DIP2A: variants seen among roughly 807,000 people sequenced by gnomAD.
DIP2A encodes disco-interacting protein 2 homolog A.
A neutral mutation model predicts 177.4 loss-of-function variants in DIP2A; 85 were observed. The ratio of observed to expected loss-of-function variants is 0.48; its 90% CI spans 0.40 to 0.57. DIP2A has a LOEUF of 0.57. DIP2A is among the 20% of genes least tolerant of loss of function. The pLI, the probability that DIP2A is intolerant of heterozygous loss-of-function variation, is 0.00. For synonymous variants in DIP2A, 886 were observed against 881.8 expected (o/e 1.00, Z -0.08); for missense variants, 1,791 against 2,100.2 (o/e 0.85, Z 2.88).
At chr21:46,583,751 T>C in the DIP2A span, among the ~76,000 whole-genome samples, 1 of 152,202 alleles carries the variant, frequency 6.6e-6, no homozygotes, top group Non-Finnish European at 1.5e-5. Context: ...TGCTCTCTCT[T>C]GCCTTTCCAC....
chr21:46,534,561 G>T, intron 12 of DIP2A, 24 bp from the exon 13 acceptor site: 4 of 1,606,326 alleles, frequency 2.5e-6, no homozygotes, highest in Non-Finnish European at 3.4e-6. Flanking sequence ...ACCACATCAT[G>T]TTTTTTTCCT....
intron 22 of DIP2A, 153 bp downstream of exon 22, chr21:46,550,038 A>G: frequency 6.8e-7 from 1 of 1,462,370 alleles, no homozygotes; most frequent in South Asian, 1.4e-5. Flanking sequence ...GACAAATTAC[A>G]GCTGTATGTA....
At chr21:46,542,777 G>C (rs11701286) in intron 18 of DIP2A, among the ~76,000 whole-genome samples, 125,975 of 152,244 alleles carry the variant, frequency 0.83, 52,341 homozygotes, top group African/African-American at 0.89. Context: ...GACCCCATCT[G>C]TCAGTGCAGT....
At chr21:46,470,936 A>C (rs1344735016) in intron 1 of DIP2A, among the ~76,000 whole-genome samples, 2 of 151,990 alleles carry the variant, frequency 1.3e-5, no homozygotes, top group African/African-American at 4.8e-5. Context: ...TCAGAAAAAA[A>C]AAAAAAAAAA....
intron 6 of DIP2A, among the ~76,000 whole-genome samples, chr21:46,507,517 C>A (rs2058073201): frequency 6.6e-6 from 1 of 151,916 alleles, no homozygotes; most frequent in Non-Finnish European, 1.5e-5. Flanking sequence ...AATCGGTAGA[C>A]CATGTTGGAG....
chr21:46,491,939 T>G (rs2148483673), intron 3 of DIP2A, among the ~76,000 whole-genome samples: 1 of 152,366 alleles, frequency 6.6e-6, no homozygotes, highest in South Asian at 2.1e-4. Flanking sequence ...TGTCTTTGTG[T>G]TTCTTTAAAG....
chr21:46,517,463 C>T (rs1283081498), intron 8 of DIP2A, among the ~76,000 whole-genome samples: 2 of 152,274 alleles, frequency 1.3e-5, no homozygotes, highest in East Asian at 3.9e-4. Context: ...ACCTCTTTCC[C>T]CTCCAAGTAG....
downstream of DIP2A, among the ~76,000 whole-genome samples, chr21:46,572,147 T>A (rs1293068022): frequency 6.6e-6 from 1 of 152,194 alleles, no homozygotes; most frequent in Non-Finnish European, 1.5e-5. Context: ...AAAAAATTTT[T>A]AGAGAAAAAA....
In DIP2A at chr21:46,498,626, G is replaced by A. The variant is rs747828730; in HGVS notation, c.448G>A (p.Gly150Arg). Residue 150 changes from glycine (G) to arginine (R), a missense_variant, in exon 5 of 38, where the codon GGG becomes AGG. Coordinates refer to ENST00000417564, the MANE Select transcript of DIP2A (RefSeq NM_015151.4). This position sits in a 1 kb window ranked among gnomAD's most constrained non-coding sequence, Gnocchi z 4.3. ...AGATGAGGGCTCTTTACGGCGACCC[G>A]GGCGACTCACCTCCACTCCGCTCCA... ...SEDEGSLRRP[G>R]RLTSTPLQSH... The A allele has an allele frequency of 1.2e-5, 20 of 1,612,814 alleles. No individual in the cohort carries two copies. Among genetic ancestry groups the A allele is most frequent in the East Asian group, 4.5e-5 (2 of 44,858 alleles).
Position 46,567,483 on chromosome 21 carries a change from A to G in DIP2A, c.4577A>G (p.Tyr1526Cys). ...LVTNVVLEEH[Y>C]LVVGVVVIVD... The stretch of plus-strand genomic sequence containing the variant: ...ACCAACGTGGTGCTGGAGGAGCACT[A>G]CCTGGTCGTGGGAGTGGTGGTCATC... The change falls in exon 38 of 38, where the codon TAC (tyrosine) becomes TGC (cysteine). Residue 1526 changes from tyrosine to cysteine, a missense_variant. Coordinates refer to ENST00000417564, the MANE Select transcript of DIP2A (RefSeq NM_015151.4). 6.2e-7 allele frequency: 1 copy of G among 1,613,770 alleles called. No individual in the cohort carries two copies. Among genetic ancestry groups the G allele is most frequent in the Non-Finnish European group, 8.5e-7 (1 of 1,179,842 alleles).
chr21:46,555,119 C>T (rs1373595032), intron 28 of DIP2A, among the ~76,000 whole-genome samples, 186 bp downstream of exon 28: 1 of 152,320 alleles, frequency 6.6e-6, no homozygotes, highest in Non-Finnish European at 1.5e-5. Flanking sequence ...TGTAAACCCA[C>T]GCTCCACTCA....
intron 9 of DIP2A, among the ~76,000 whole-genome samples, chr21:46,529,992 A>G (rs949990374): frequency 1.3e-5 from 2 of 152,218 alleles, no homozygotes; most frequent in African/African-American, 2.4e-5. Flanking sequence ...AAAATAAAAA[A>G]TTTAGTTTCT....
In DIP2A at chr21:46,557,057, G is replaced by A. The variant is rs760514298; in HGVS notation, c.3617G>A (p.Trp1206Ter). The change falls in exon 30 of 38, where the codon TGG becomes TAG. Residue 1206 changes from tryptophan (W) to a stop codon, truncating the protein, a stop_gained. Coordinates refer to ENST00000417564, the MANE Select transcript of DIP2A (RefSeq NM_015151.4). LOFTEE classifies it high-confidence loss of function. This position sits in a 1 kb window ranked among gnomAD's most constrained non-coding sequence, Gnocchi z 6.0. The stretch of plus-strand genomic sequence containing the variant: ...TACTGTGGCCTTGGTTTTGCCCTGT[G>A]GTGTCTGTGCAGGTGAGTGCAGGGC... ...DPYCGLGFAL[W>*]CLCSVYSGHQ... is the part of the protein sequence containing the mutation. 1 of 1,607,406 alleles carries A rather than the reference G, an allele frequency of 6.2e-7. No homozygotes were observed. The highest frequency in any genetic ancestry group is 8.5e-7 in the Non-Finnish European group (1 of 1,177,302).
At chr21:46,514,617 C>CCTTT (rs2058468475) in intron 8 of DIP2A, among the ~76,000 whole-genome samples, 1 of 70,526 alleles carries the variant, frequency 1.4e-5, no homozygotes, top group African/African-American at 5.6e-5. Context: ...AACTTTTATT[C>CCTTT]TTTTTTTTTT....
At chr21:46,468,173 G>A (rs1225501237) in intron 1 of DIP2A, among the ~76,000 whole-genome samples, 1 of 151,132 alleles carries the variant, frequency 6.6e-6, no homozygotes, top group Non-Finnish European at 1.5e-5. Flanking sequence ...GACTGAGGCA[G>A]GAGAATCTCT....
At chr21:46,575,051 C>G in the DIP2A span, among the ~76,000 whole-genome samples, 3 of 152,028 alleles carry the variant, frequency 2.0e-5, no homozygotes, top group Admixed American at 6.5e-5. Context: ...AAACTGACTT[C>G]AGCAGCATAT....
intron 17 of DIP2A, among the ~76,000 whole-genome samples, chr21:46,540,506 C>T (rs193297488): frequency 5.3e-4 from 81 of 152,160 alleles, no homozygotes; most frequent in Non-Finnish European, 9.1e-4. Flanking sequence ...TGTGTGGGTG[C>T]GGGGCTGCTG....
chr21:46,556,840 C>A lies in DIP2A; in HGVS notation c.3499-99C>A. 9.2e-7 allele frequency: 1 copy of A among 1,086,920 alleles called. No individual in the cohort carries two copies. The highest frequency in any genetic ancestry group is 1.3e-6 in the Non-Finnish European group (1 of 781,868). 67.3% of individuals were successfully genotyped at this position (1,086,920 alleles called of 1,614,324 possible). ...AAATATGATGTTTGGTAGTTCGGAG[C>A]TATGGTCTAGCCATGTGAACAGCGG... On this transcript the variant is annotated intron_variant, in intron 29 of 37. Coordinates refer to ENST00000417564, the MANE Select transcript of DIP2A (RefSeq NM_015151.4). The surrounding 1 kb of genome is among the most constrained non-coding windows in gnomAD (Gnocchi z 4.5).
In DIP2A at chr21:46,548,181, C is replaced by CGTGTGTGT. The variant is rs151337762; in HGVS notation, c.2522+1160_2522+1167dup. Among the ~76,000 whole-genome samples, 853 of 147,672 alleles carry CGTGTGTGT rather than the reference C, an allele frequency of 5.8e-3. 5 individuals carry two copies. Among genetic ancestry groups the CGTGTGTGT allele is most frequent in the African/African-American group, 0.018 (714 of 40,318 alleles). ...GGCAGGCTGTGCTCATGCATGTGTG[C>CGTGTGTGT]GTGTGTGTGTGTGTGTGTGTGTGTG... On this transcript the variant is annotated intron_variant, in intron 21 of 37. Coordinates refer to ENST00000417564, the MANE Select transcript of DIP2A (RefSeq NM_015151.4).
Sources: allele counts gnomAD v4.1 joint callset (sites outside exome capture counted in the v4.1 genomes callset), GRCh38; gene constraint gnomAD v4.1.1; non-coding constraint Gnocchi (gnomAD v3.1); transcripts MANE v1.5; gene names NCBI Gene and HGNC (gene_info 2026-07-23, HGNC 2026-07-21).